SMOC1: variants seen among roughly 807,000 people sequenced by gnomAD.
The protein encoded by SMOC1 is SPARC-related modular calcium-binding protein 1.
SMOC1 carries 22 observed loss-of-function variants against 56.3 expected under a neutral mutation model. The observed-to-expected ratio is 0.39, with a 90% CI of 0.28 to 0.56. The LOEUF (loss-of-function observed/expected upper bound fraction) is 0.56. Among genes scored for constraint, SMOC1 ranks in the 20% least tolerant of loss-of-function variants. SMOC1 has a pLI of 0.61. For synonymous variants in SMOC1, 193 were observed against 215.0 expected (o/e 0.90, Z 0.89); for missense variants, 509 against 565.4 (o/e 0.90, Z 1.01).
intron 1 of SMOC1, among the ~76,000 whole-genome samples, chr14:69,889,297 C>T (rs914100169): frequency 2.0e-5 from 3 of 152,160 alleles, no homozygotes; most frequent in Non-Finnish European, 4.4e-5. Flanking sequence ...CAGAATCCTG[C>T]CCATCATTCA....
rs149137506 is a variant in SMOC1 at position 70,024,459 on chromosome 14, T to C, written c.1291+1012T>C. Among the ~76,000 whole-genome samples the C allele has an allele frequency of 1.8e-3, 280 of 152,210 alleles. 2 individuals carry two copies. The highest frequency in any genetic ancestry group is 6.2e-3 in the African/African-American group (258 of 41,534). ...GTAAGTTTTTTTTGAAAGAAGAATA[T>C]ATAAGAGGGACCGTATATGGCCCAC... is the stretch of plus-strand genomic sequence containing the variant. On this transcript the variant is annotated intron_variant, in intron 11 of 11. Coordinates refer to ENST00000361956, the MANE Select transcript of SMOC1 (RefSeq NM_001034852.3).
rs575114117 is a variant in SMOC1, at chr14:70,030,487, TTCTC to T, written c.*235_*238del. 433 of 493,698 alleles carry T rather than the reference TTCTC, an allele frequency of 8.8e-4. 2 individuals are homozygous for T. Among genetic ancestry groups the T allele is most frequent in the African/African-American group, 8.0e-3 (407 of 50,570 alleles). 30.6% of individuals were successfully genotyped at this position (493,698 alleles called of 1,614,324 possible). ...AAAAGGAAAGGGAAGAAAGACTTTA[TTCTC>T]TCTCTTATTGTAAGTTTTTGGATCT... On this transcript the variant is annotated 3_prime_UTR_variant, in exon 12 of 12. Coordinates refer to ENST00000361956, the MANE Select transcript of SMOC1 (RefSeq NM_001034852.3).
chr14:69,879,769 G>A lies in SMOC1; in HGVS notation c.91G>A (p.Gly31Ser), dbSNP rs767492109. ...LSPARGHRTT[G>S]PRFLISDRDP... ...CCCTGCTCGCGGCCACCGCACCACA[G>A]GCCCCAGGGTAAGTGCGCCCCCAGC... Residue 31 changes from glycine to serine, a missense_variant, in exon 1 of 12, where the codon GGC becomes AGC. This residue lies in a region of SMOC1 where 315 missense variants were observed against 333.1 expected (regional missense o/e 0.95). Coordinates refer to ENST00000361956, the MANE Select transcript of SMOC1 (RefSeq NM_001034852.3). 2 of 1,589,836 alleles carry A rather than the reference G, an allele frequency of 1.3e-6. No individual in the cohort carries two copies. The highest frequency in any genetic ancestry group is 1.7e-6 in the Non-Finnish European group (2 of 1,175,002).
At chr14:69,983,329 T>C (rs1374492957) in intron 5 of SMOC1, among the ~76,000 whole-genome samples, 1 of 152,208 alleles carries the variant, frequency 6.6e-6, no homozygotes, top group African/African-American at 2.4e-5. Context: ...ACTCAGCAAA[T>C]ATTTATGGAG....
intron 5 of SMOC1, among the ~76,000 whole-genome samples, chr14:69,981,212 A>G (rs886267106): frequency 1.3e-5 from 2 of 150,550 alleles, no homozygotes; most frequent in Non-Finnish European, 2.9e-5. Context: ...GTGGGGCCCC[A>G]GGGAAGAAGT....
intron 1 of SMOC1, among the ~76,000 whole-genome samples, chr14:69,889,854 T>C (rs1883914809): frequency 6.6e-6 from 1 of 152,244 alleles, no homozygotes; most frequent in Non-Finnish European, 1.5e-5. Context: ...CTAGCAATCA[T>C]TGGCCAAATC....
At chr14:69,884,400 G>T (rs1883738044) in intron 1 of SMOC1, among the ~76,000 whole-genome samples, 1 of 152,048 alleles carries the variant, frequency 6.6e-6, no homozygotes, top group African/African-American at 2.4e-5. Flanking sequence ...CATTCTCTAG[G>T]TTATCTCTTT....
chr14:69,931,848 A>C (rs902877064), intron 1 of SMOC1, among the ~76,000 whole-genome samples: 4 of 152,216 alleles, frequency 2.6e-5, no homozygotes, highest in Non-Finnish European at 5.9e-5. Flanking sequence ...TTTTGGCTGG[A>C]ATCTGCCTTT....
At chr14:69,890,648 T>C (rs966797089) in intron 1 of SMOC1, among the ~76,000 whole-genome samples, 2 of 152,230 alleles carry the variant, frequency 1.3e-5, no homozygotes, top group Non-Finnish European at 2.9e-5. Context: ...TGTATTCACG[T>C]TGGGCTAACT....
chr14:69,982,227 C>G (rs1414422985), intron 5 of SMOC1, among the ~76,000 whole-genome samples: 1 of 152,182 alleles, frequency 6.6e-6, no homozygotes, highest in Non-Finnish European at 1.5e-5. Flanking sequence ...CTCTGCTAAA[C>G]TTTTCTGCAT....
rs534035624 is a variant in SMOC1 at position 70,005,693 on chromosome 14, C to T, written c.665-5061C>T. ...GTTTGTCAGTGAAACTTTAACCACT[C>T]ATTGCCAAGTGCGGAATGACCTGAC... On this transcript the variant is annotated intron_variant, in intron 7 of 11. Transcript: ENST00000361956. 4.6e-5 allele frequency among the ~76,000 whole-genome samples: 7 copies of T among 152,322 alleles called. No homozygotes were observed. In the East Asian group the frequency reaches 1.2e-3, roughly 25 times the overall value.
chr14:69,883,269 C>T (rs1401656641), intron 1 of SMOC1, among the ~76,000 whole-genome samples: 6 of 152,056 alleles, frequency 3.9e-5, no homozygotes, highest in African/African-American at 1.4e-4. Flanking sequence ...TTTGACCAAC[C>T]TCTCTCCTTT....
chr14:69,919,949 G>A (rs937040319), intron 1 of SMOC1, among the ~76,000 whole-genome samples: 4 of 144,820 alleles, frequency 2.8e-5, no homozygotes, highest in African/African-American at 1.0e-4. Flanking sequence ...GGGATAAAAG[G>A]CACATACATT....
At chr14:69,999,329 C>G (rs544396610) in intron 7 of SMOC1, among the ~76,000 whole-genome samples, 1 of 152,148 alleles carries the variant, frequency 6.6e-6, no homozygotes, top group Non-Finnish European at 1.5e-5. Context: ...TTCCCCACCC[C>G]CCAAGCCAGC....
chr14:69,952,431 C>A, intron 2 of SMOC1, 128 bp downstream of exon 2: 2 of 1,107,542 alleles, frequency 1.8e-6, no homozygotes, highest in Non-Finnish European at 2.6e-6. Flanking sequence ...TCTCTCCACC[C>A]CTTCCACCAG....
At chr14:69,926,134 C>A (rs1885004983) in intron 1 of SMOC1, among the ~76,000 whole-genome samples, 1 of 151,918 alleles carries the variant, frequency 6.6e-6, no homozygotes, top group Non-Finnish European at 1.5e-5. Flanking sequence ...GTCCAGGGAA[C>A]AGACACAAAT....
intron 1 of SMOC1, among the ~76,000 whole-genome samples, chr14:69,917,582 A>G (rs1884718543): frequency 6.6e-6 from 1 of 152,250 alleles, no homozygotes; most frequent in South Asian, 2.1e-4. Context: ...TACCTTGAGA[A>G]CACAAGACAG....
At chr14:69,897,682 C>G (rs1884135252) in intron 1 of SMOC1, among the ~76,000 whole-genome samples, 1 of 152,098 alleles carries the variant, frequency 6.6e-6, no homozygotes, top group Non-Finnish European at 1.5e-5. Flanking sequence ...GTGCAAATAT[C>G]TTATAATAAA....
At chr14:69,950,740 A>C (rs569897057) in intron 1 of SMOC1, among the ~76,000 whole-genome samples, 1 of 152,198 alleles carries the variant, frequency 6.6e-6, no homozygotes, top group Non-Finnish European at 1.5e-5. Context: ...TAATAGCCCA[A>C]TTATTGTTCT....
Sources: gnomAD v4.1 joint callset for allele counts (sites outside exome capture counted in the v4.1 genomes callset) on GRCh38, gnomAD v4.1.1 for gene constraint, gnomAD v4.1.1 regional missense constraint, MANE v1.5 for transcripts, NCBI Gene and HGNC (gene_info 2026-07-23, HGNC 2026-07-21) for gene names.